The following ABCA4 variants were observed in gnomAD, a reference collection of about 807,000 sequenced individuals.
ABCA4 encodes retinal-specific phospholipid-transporting ATPase ABCA4.
ABCA4 carries 196 observed loss-of-function variants against 263.7 expected under a neutral mutation model. That is an observed-to-expected ratio of 0.74 (90% confidence interval 0.66 to 0.84). The LOEUF (loss-of-function observed/expected upper bound fraction) is 0.84, where lower values mean the gene tolerates loss of function less well. Among genes scored for constraint, ABCA4 ranks in the 40% least tolerant of loss-of-function variants. The probability of loss-of-function intolerance (pLI) is 0.00; values close to 1 mark genes in which losing one functional copy is unlikely to be tolerated. For synonymous variants in ABCA4, 1,133 were observed against 1,094.2 expected (o/e 1.04, Z -0.70); for missense variants, 2,792 against 2,855.1 (o/e 0.98, Z 0.50).
intron 30 of ABCA4, among the ~76,000 whole-genome samples, chr1:94,026,640 A>C (rs1355272776): frequency 3.3e-5 from 5 of 152,156 alleles, no homozygotes; most frequent in African/African-American, 1.2e-4. Context: ...GCTTATGATA[A>C]ATTGTTTTAT....
rs888733588 is a variant in ABCA4 at position 94,019,745 on chromosome 1, A to G, written c.5033T>C (p.Val1678Ala). The G allele has an allele frequency of 2.7e-5, 43 of 1,612,726 alleles. No individual in the cohort carries two copies. The highest frequency in any genetic ancestry group is 3.5e-5 in the Non-Finnish European group (41 of 1,179,406). The stretch of plus-strand genomic sequence containing the variant: ...CACGCAGATGGCAACCACAGCATCC[A>G]CTGAAGTGGTCAGCCTGCAGCAGGG... ...LSEITVLTTS[V>A]DAVVAICVIF... Residue 1678 changes from valine (V) to alanine (A), a missense_variant, in exon 36 of 50, where the codon GTG (valine) becomes GCG (alanine). Val to Ala is a moderately conservative substitution (Grantham distance 64). Coordinates refer to ENST00000370225, the MANE Select transcript of ABCA4 (RefSeq NM_000350.3).
At chr1:94,073,800 G>T (rs769265948) in intron 11 of ABCA4, among the ~76,000 whole-genome samples, 6 of 150,522 alleles carry the variant, frequency 4.0e-5, no homozygotes, top group Non-Finnish European at 8.9e-5. Context: ...GTCACGATAC[G>T]AATGTCAAGT....
intron 40 of ABCA4, among the ~76,000 whole-genome samples, 162 bp from the exon 41 acceptor site, chr1:94,009,033 G>C (rs1659477640): frequency 6.6e-6 from 1 of 152,012 alleles, no homozygotes; most frequent in Non-Finnish European, 1.5e-5. Context: ...AGAGGCATTA[G>C]GCATTAGGTA....
Position 94,040,070 on chromosome 1 carries a change from C to T in ABCA4, c.3580G>A (p.Asp1194Asn). Residue 1194 changes from aspartate (D) to asparagine (N), a missense_variant, in exon 24 of 50, where the codon GAC becomes AAC. Coordinates refer to ENST00000370225, the MANE Select transcript of ABCA4 (RefSeq NM_000350.3). ...TCCAGGACTTGTTCTGGAGTTAGGT[C>T]ATCGACGTGGGCTGGACACGTGGTG... is the stretch of plus-strand genomic sequence containing the variant. ...FSTTCPAHVD[D>N]LTPEQVLDGD... 6.2e-7 allele frequency: 1 copy of T among 1,608,908 alleles called. No homozygotes were observed. Among genetic ancestry groups the T allele is most frequent in the Non-Finnish European group, 8.5e-7 (1 of 1,177,456 alleles).
In ABCA4 at chr1:94,037,248, T is replaced by A. The variant is rs1390307355; in HGVS notation, c.3710A>T (p.Asn1237Ile). ...GCTGGCATATGCTCTGTGCTTGAAG[T>A]TCTTATTTGGAAGAAGGAAGATAAG... ...QELIFLLPNK[N>I]FKHRAYASLF... is the part of the protein sequence containing the mutation. Residue 1237 changes from asparagine (N) to isoleucine (I), a missense_variant, in exon 25 of 50, where the codon AAC (asparagine) becomes ATC (isoleucine). Coordinates refer to ENST00000370225, the MANE Select transcript of ABCA4 (RefSeq NM_000350.3). The A allele has an allele frequency of 2.5e-6, 4 of 1,614,222 alleles. No individual in the cohort carries two copies. The highest frequency in any genetic ancestry group is 3.4e-6 in the Non-Finnish European group (4 of 1,180,036).
chr1:94,038,443 T>A (rs896497161), intron 24 of ABCA4, among the ~76,000 whole-genome samples: 1 of 152,200 alleles, frequency 6.6e-6, no homozygotes, highest in African/African-American at 2.4e-5. Context: ...GGACACCCAG[T>A]AGGTTCTTTT....
chr1:94,012,610 T>C (rs990510532), intron 38 of ABCA4, among the ~76,000 whole-genome samples: 2 of 152,210 alleles, frequency 1.3e-5, no homozygotes, highest in Admixed American at 6.5e-5. Context: ...AATGGGCTAA[T>C]AGAAATCTAC....
At chr1:94,047,690 T>G (rs1289414672) in intron 18 of ABCA4, among the ~76,000 whole-genome samples, 2 of 152,154 alleles carry the variant, frequency 1.3e-5, no homozygotes, top group East Asian at 3.9e-4. Flanking sequence ...ATCTTTGAGT[T>G]GACTTTGACT....
intron 34 of ABCA4, 92 bp from the exon 35 acceptor site, chr1:94,021,501 G>T: frequency 6.4e-7 from 1 of 1,568,654 alleles, no homozygotes; most frequent in Non-Finnish European, 8.8e-7. Flanking sequence ...AGCAGGAAGG[G>T]TTTGGTAGCT....
intron 30 of ABCA4, among the ~76,000 whole-genome samples, chr1:94,028,736 A>G (rs910047933): frequency 7.9e-5 from 12 of 151,872 alleles, no homozygotes; most frequent in Admixed American, 3.3e-4. Context: ...GTAAAACCCC[A>G]TCTGTACTAA....
chr1:93,995,152 A>G (rs1032039839), intron 49 of ABCA4, among the ~76,000 whole-genome samples: 2 of 152,208 alleles, frequency 1.3e-5, no homozygotes, highest in Non-Finnish European at 2.9e-5. Flanking sequence ...GTGGGAAGAC[A>G]AAGTCAGTTT....
intron 44 of ABCA4, among the ~76,000 whole-genome samples, chr1:94,002,876 C>T (rs1053762684): frequency 1.4e-5 from 2 of 147,346 alleles, no homozygotes; most frequent in Admixed American, 1.3e-4. Context: ...TCGTCTATCC[C>T]TCCCACTAGA....
At position 94,060,672 on chromosome 1, in the gene ABCA4, G is replaced by T. The variant is rs1364397376; in HGVS notation, c.2025C>A (p.Val675=). 1 of 1,614,012 alleles carries T rather than the reference G, an allele frequency of 6.2e-7. No homozygotes were observed. Among genetic ancestry groups the T allele is most frequent in the Non-Finnish European group, 8.5e-7 (1 of 1,180,028 alleles). ...CCTTCAGTCGCAACTCCTTCTCCAA[G>T]ACGATGCTCTTCACAGTCATGGAGA... ...YSVSMTVKSI[V]LEKELRLKET... is the part of the protein sequence containing the mutation. Residue 675 remains valine, a synonymous_variant, in exon 14 of 50, where the codon GTC becomes GTA. Coordinates refer to ENST00000370225, the MANE Select transcript of ABCA4 (RefSeq NM_000350.3).
chr1:94,020,769 G>A (rs76400424), intron 35 of ABCA4, among the ~76,000 whole-genome samples: 1,586 of 152,312 alleles, frequency 0.01, 24 homozygotes, highest in African/African-American at 0.036. Flanking sequence ...AACGCACAAG[G>A]CCACTGTCTC....
intron 36 of ABCA4, among the ~76,000 whole-genome samples, chr1:94,017,146 T>A (rs1218718803): frequency 6.6e-6 from 1 of 152,204 alleles, no homozygotes; most frequent in Admixed American, 6.5e-5. Context: ...AATTGTATAA[T>A]GAATAGGATA....
intron 7 of ABCA4, 142 bp from the exon 8 acceptor site, chr1:94,080,860 C>T (rs1207170778): frequency 1.8e-5 from 24 of 1,308,610 alleles, no homozygotes; most frequent in East Asian, 2.5e-5. Flanking sequence ...AATCCAGCTG[C>T]GAAAAACAAA....
rs117400594 is a variant in ABCA4 at position 94,062,582 on chromosome 1, G to A, written c.1932C>T (p.Asp644=). The change falls in exon 13 of 50, where the codon GAC becomes GAT. Residue 644 remains aspartate (D), a synonymous_variant. Transcript: ENST00000370225. ...LQQMPYPCFV[D]DSFMIILNRC... is the part of the protein sequence containing the mutation. ...ATCGCGAACTTCAGACTCACGAATCGTCCACGAAGCAGGGGTAGGGCATCT... is the reference window on the plus strand; with the variant it reads ...ATCGCGAACTTCAGACTCACGAATCATCCACGAAGCAGGGGTAGGGCATCT... 4.1e-4 allele frequency: 659 copies of A among 1,613,526 alleles called. 3 individuals are homozygous for A. The highest frequency in any genetic ancestry group is 2.1e-3 in the Middle Eastern group (13 of 6,054).
intron 16 of ABCA4, among the ~76,000 whole-genome samples, chr1:94,052,650 G>A (rs1263621548): frequency 1.3e-5 from 2 of 152,190 alleles, no homozygotes; most frequent in Admixed American, 6.5e-5. Context: ...CAACAATCTA[G>A]TAGGATAGAA....
intron 37 of ABCA4, among the ~76,000 whole-genome samples, chr1:94,015,267 C>T (rs1195353759): frequency 6.6e-6 from 1 of 152,182 alleles, no homozygotes; most frequent in African/African-American, 2.4e-5. Context: ...ATGCTGGGCC[C>T]TGTAACTCTG....
Sources: gnomAD v4.1 joint callset for allele counts (sites outside exome capture counted in the v4.1 genomes callset) on GRCh38, gnomAD v4.1.1 for gene constraint, MANE v1.5 for transcripts, NCBI Gene and HGNC (gene_info 2026-07-23, HGNC 2026-07-21) for gene names.